The following HCK variants were observed in gnomAD, a reference collection of about 807,000 sequenced individuals.
HCK encodes the protein tyrosine-protein kinase HCK.
Under a neutral mutation model 70.4 loss-of-function variants are expected in HCK, and 40 were observed. That is an observed-to-expected ratio of 0.57 (90% CI 0.44 to 0.74). The LOEUF is 0.74. Ranked by LOEUF, HCK falls within the 30% of genes least tolerant of loss-of-function variation. The probability of loss-of-function intolerance (pLI) is 0.00; values close to 1 mark genes in which losing one functional copy is unlikely to be tolerated. For synonymous variants in HCK, 245 were observed against 263.2 expected, an observed-to-expected ratio of 0.93 and a Z score of 0.67; for missense variants, 568 against 697.2, an observed-to-expected ratio of 0.81 and a Z score of 2.09.
intron 1 of HCK, among the ~76,000 whole-genome samples, chr20:32,058,193 C>A (rs1166907145): frequency 6.7e-6 from 1 of 149,520 alleles, no homozygotes; most frequent in Non-Finnish European, 1.5e-5. Context: ...ATGCACTAGG[C>A]AAATCTCTTC....
At chr20:32,064,072 C>T (rs930149390) in intron 1 of HCK, among the ~76,000 whole-genome samples, 12 of 143,094 alleles carry the variant, frequency 8.4e-5, no homozygotes, top group African/African-American at 2.4e-4. Flanking sequence ...GGCGCAATCT[C>T]GGCTCACTGC....
At chr20:32,094,202 G>A (rs1253433924) in intron 11 of HCK, among the ~76,000 whole-genome samples, 186 bp downstream of exon 11, 1 of 152,172 alleles carries the variant, frequency 6.6e-6, no homozygotes, top group African/African-American at 2.4e-5. Flanking sequence ...GAGATTTTGA[G>A]GAGATTTTAG....
chr20:32,101,599 A>G lies in HCK; in HGVS notation c.*80A>G. 3.4e-6 allele frequency: 4 copies of G among 1,190,138 alleles called. No individual in the cohort carries two copies. Among genetic ancestry groups the G allele is most frequent in the Non-Finnish European group, 4.8e-6 (4 of 836,200 alleles). 73.7% of individuals were successfully genotyped at this position (1,190,138 alleles called of 1,614,324 possible). On this transcript the variant is annotated 3_prime_UTR_variant, in exon 13 of 13. Coordinates refer to ENST00000375852, the MANE Select transcript of HCK (RefSeq NM_002110.5). ...TCCAGCACCATCCGCCAGGGCCCAC[A>G]CCCCCTTCCTACTCCCAGACACCCA...
intron 9 of HCK, among the ~76,000 whole-genome samples, chr20:32,087,596 A>G (rs2045806886): frequency 6.6e-6 from 1 of 151,690 alleles, no homozygotes; most frequent in African/African-American, 2.4e-5. Flanking sequence ...TCTCCCCAGT[A>G]GCTGGCACTA....
At chr20:32,061,048 G>A (rs1344111106) in intron 1 of HCK, among the ~76,000 whole-genome samples, 2 of 152,058 alleles carry the variant, frequency 1.3e-5, no homozygotes, top group African/African-American at 2.4e-5. Context: ...CAGTGGCGCA[G>A]TCTTGGCTCA....
At chr20:32,059,419 CTCTTTCTTTCTTTTT>C (rs1407937644) in intron 1 of HCK, among the ~76,000 whole-genome samples, 42 of 145,298 alleles carry the variant, frequency 2.9e-4, no homozygotes, top group East Asian at 4.1e-4. Context: ...TTCTCTCTCT[CTCTTTCTTTCTTTTT>C]TCTTTCTTTC....
rs1403282662 is a variant in HCK at position 32,101,667 on chromosome 20, G to A, written c.*148G>A. 3 of 588,408 alleles carry A rather than the reference G, an allele frequency of 5.1e-6. No individual in the cohort carries two copies. The highest frequency in any genetic ancestry group is 2.5e-5 in the South Asian group (1 of 39,878). 36.4% of individuals were successfully genotyped at this position (588,408 alleles called of 1,614,324 possible). A position where few individuals can be genotyped will look rare whatever the true frequency, so the allele number is the denominator to read the frequency against. Reference sequence around the variant, plus strand: ...GTTTCCTCATCTGTCCAGTGGGTAGGTTGGACTGGAAAATCTCTTTTTGAC... The same window carrying A: ...GTTTCCTCATCTGTCCAGTGGGTAGATTGGACTGGAAAATCTCTTTTTGAC... On this transcript the variant is annotated 3_prime_UTR_variant, in exon 13 of 13. Transcript: ENST00000375852.
At chr20:32,071,585 T>C in intron 1 of HCK, 77 bp from the exon 2 acceptor site, 5 of 1,567,542 alleles carry the variant, frequency 3.2e-6, no homozygotes, top group Non-Finnish European at 4.3e-6. Context: ...GCAGGGGACC[T>C]GGAATGCCAG....
intron 1 of HCK, among the ~76,000 whole-genome samples, chr20:32,065,097 A>G (rs2045436954): frequency 6.6e-6 from 1 of 152,260 alleles, no homozygotes; most frequent in Non-Finnish European, 1.5e-5. Context: ...AAAGAAAAAT[A>G]AGGCTCAGAG....
intron 1 of HCK, among the ~76,000 whole-genome samples, chr20:32,057,988 C>T (rs1050191277): frequency 2.6e-5 from 4 of 152,150 alleles, no homozygotes; most frequent in Non-Finnish European, 5.9e-5. Flanking sequence ...CTAGGACGTG[C>T]GCTCCTGACT....
chr20:32,098,082 C>G (rs183949714), intron 11 of HCK, among the ~76,000 whole-genome samples: 8 of 152,040 alleles, frequency 5.3e-5, no homozygotes, highest in African/African-American at 1.9e-4. Context: ...GAGTCTGACT[C>G]TATCATCCAG....
chr20:32,083,818 A>C (rs1301098885), intron 6 of HCK, 76 bp from the exon 7 acceptor site: 2 of 1,543,216 alleles, frequency 1.3e-6, no homozygotes, highest in African/African-American at 2.7e-5. Context: ...GTAGCCTTAC[A>C]GGGTGTCAGA....
intron 6 of HCK, 27 bp from the exon 7 acceptor site, chr20:32,083,867 T>C: frequency 6.2e-7 from 1 of 1,613,936 alleles, no homozygotes; most frequent in Admixed American, 1.7e-5. Flanking sequence ...GATGCCATTC[T>C]GAGGGGTTTC....
chr20:32,101,015 T>A (rs575335218), intron 12 of HCK, among the ~76,000 whole-genome samples: 3 of 152,288 alleles, frequency 2.0e-5, no homozygotes, highest in African/African-American at 7.2e-5. Context: ...TATCTCACAG[T>A]GTTCAAAGGA....
intron 1 of HCK, among the ~76,000 whole-genome samples, chr20:32,060,131 A>G (rs998837863): frequency 6.6e-6 from 1 of 152,140 alleles, no homozygotes; most frequent in African/African-American, 2.4e-5. Context: ...GCAGCCAAGG[A>G]AAGACTGCTC....
At chr20:32,061,209 C>G (rs940738624) in intron 1 of HCK, among the ~76,000 whole-genome samples, 9 of 152,162 alleles carry the variant, frequency 5.9e-5, no homozygotes, top group African/African-American at 1.9e-4. Context: ...GTCTTGAACT[C>G]CTGACCTTGT....
intron 8 of HCK, among the ~76,000 whole-genome samples, chr20:32,086,369 T>C (rs902637635): frequency 5.3e-5 from 8 of 152,160 alleles, no homozygotes; most frequent in African/African-American, 9.7e-5. Flanking sequence ...ATTTCCACTT[T>C]ACAGATGAGG....
chr20:32,087,822 T>C (rs1296368616), intron 9 of HCK, among the ~76,000 whole-genome samples: 1 of 152,068 alleles, frequency 6.6e-6, no homozygotes, highest in East Asian at 1.9e-4. Context: ...TTTTGTATTT[T>C]TAGTAGAGAC....
chr20:32,078,266 C>T (rs1297778041), intron 5 of HCK, among the ~76,000 whole-genome samples: 2 of 149,442 alleles, frequency 1.3e-5, no homozygotes, highest in Non-Finnish European at 3.0e-5. Flanking sequence ...AGGATGGTCT[C>T]GAACTCCTGA....
Sources: gnomAD v4.1 joint callset for allele counts (sites outside exome capture counted in the v4.1 genomes callset) on GRCh38, gnomAD v4.1.1 for gene constraint, MANE v1.5 for transcripts, NCBI Gene and HGNC (gene_info 2026-07-23, HGNC 2026-07-21) for gene names.